Variants in CDC14B observed in about 807,000 individuals in gnomAD.
The protein encoded by CDC14B is cell division cycle 14B.
Under a neutral mutation model 64.2 loss-of-function variants are expected in CDC14B, and 22 were observed. That is an observed-to-expected ratio of 0.34 (90% CI 0.24 to 0.49). The LOEUF (loss-of-function observed/expected upper bound fraction) is 0.49. Ranked by LOEUF, CDC14B falls within the 20% of genes least tolerant of loss-of-function variation. The pLI is 0.99. For synonymous variants in CDC14B, 191 were observed against 215.8 expected (o/e 0.89, Z 1.01); for missense variants, 498 against 629.9 (o/e 0.79, Z 2.24).
intron 12 of CDC14B, among the ~76,000 whole-genome samples, chr9:96,518,618 A>T (rs1297106340): frequency 6.6e-6 from 1 of 152,144 alleles, no homozygotes; most frequent in East Asian, 1.9e-4. Flanking sequence ...AGTTATACCC[A>T]CACCATCTTA....
In CDC14B at chr9:96,562,743, A is replaced by T. The variant is rs1478401972; in HGVS notation, c.370T>A (p.Ser124Thr). Residue 124 changes from serine (S) to threonine (T), a missense_variant, in exon 4 of 14, where the codon TCT becomes ACT. Ser to Thr is a moderately conservative substitution (Grantham distance 58). Transcript: ENST00000375241. ...GCATTTGCTTGTTTTCTCTGATCAG[A>T]GCCAGTAAAATGAACAATTTTCTTC... ...LRKKIVHFTG[S>T]DQRKQANAAF... 1 of 1,611,968 alleles carries T rather than the reference A, an allele frequency of 6.2e-7. No individual in the cohort carries two copies. Among genetic ancestry groups the T allele is most frequent in the African/African-American group, 1.3e-5 (1 of 74,870 alleles).
chr9:96,512,710 C>CAAACA (rs1835081543), intron 12 of CDC14B, among the ~76,000 whole-genome samples: 1 of 152,120 alleles, frequency 6.6e-6, no homozygotes, highest in Non-Finnish European at 1.5e-5. Context: ...TGCATAAAAC[C>CAAACA]AAACAAAACA....
At chr9:96,491,477 CTTAT>C (rs1434270048) in exon 14 of CDC14B, 7 of 152,164 alleles carry the variant, frequency 4.6e-5, no homozygotes, top group Admixed American at 3.3e-4. Context: ...CTTTTGGTCT[CTTAT>C]TTATTATCTG....
intron 7 of CDC14B, among the ~76,000 whole-genome samples, chr9:96,537,377 A>G (rs924304204): frequency 1.3e-5 from 2 of 152,336 alleles, no homozygotes; most frequent in Non-Finnish European, 1.5e-5. Context: ...GGCTGACCCT[A>G]TGCCCCAGGC....
chr9:96,523,013 T>C (rs1319994438), intron 11 of CDC14B, among the ~76,000 whole-genome samples: 5 of 152,206 alleles, frequency 3.3e-5, no homozygotes, highest in African/African-American at 1.2e-4. Flanking sequence ...CAGGGGTAGA[T>C]CTGGCTGAAG....
intron 12 of CDC14B, among the ~76,000 whole-genome samples, chr9:96,519,002 G>C (rs543008965): frequency 1.3e-5 from 2 of 152,058 alleles, no homozygotes; most frequent in Non-Finnish European, 2.9e-5. Context: ...CGGGCGTGGT[G>C]GTGGGCGCCT....
downstream of CDC14B, among the ~76,000 whole-genome samples, chr9:96,496,825 G>T (rs892901321): frequency 2.0e-5 from 3 of 152,200 alleles, no homozygotes; most frequent in Admixed American, 1.3e-4. Context: ...CACCGAGGCG[G>T]CTTCTCTGTC....
intron 4 of CDC14B, among the ~76,000 whole-genome samples, chr9:96,555,494 G>C (rs1842392275): frequency 6.6e-6 from 1 of 152,198 alleles, no homozygotes; most frequent in African/African-American, 2.4e-5. Flanking sequence ...CTAACTCATA[G>C]ACATGGTCTA....
chr9:96,501,821 T>G lies in CDC14B; in HGVS notation c.*1932A>C, dbSNP rs1833583402. 6.6e-6 allele frequency: 1 copy of G among 152,194 alleles called. No individual in the cohort carries two copies. The highest frequency in any genetic ancestry group is 1.5e-5 in the Non-Finnish European group (1 of 68,046). 9.4% of individuals were successfully genotyped at this position (152,194 alleles called of 1,614,324 possible). ...GGCTCATTCACCGTGAGGGAGACAGTACTCACAAGAGCTGTGGCGCCTACG... is the reference window on the plus strand; with the variant it reads ...GGCTCATTCACCGTGAGGGAGACAGGACTCACAAGAGCTGTGGCGCCTACG... On this transcript the variant is annotated 3_prime_UTR_variant, in exon 14 of 14. Transcript: ENST00000375241.
intron 1 of CDC14B, among the ~76,000 whole-genome samples, chr9:96,594,654 T>C (rs1000854036): frequency 5.5e-5 from 8 of 144,954 alleles, no homozygotes; most frequent in Non-Finnish European, 1.2e-4. Flanking sequence ...GAGGCAGAGG[T>C]TGCAGTGAGC....
chr9:96,611,439 T>C lies in CDC14B; in HGVS notation c.160+7780A>G, dbSNP rs183503403. Among the ~76,000 whole-genome samples the C allele has an allele frequency of 2.0e-5, 3 of 152,332 alleles. No individual in the cohort carries two copies. In the East Asian group the frequency reaches 5.8e-4, roughly 29 times the overall value. Reference sequence around the variant, plus strand: ...TTACCTCATTCATAAAGATGCCTGATCTAGATGAGGCGTGGCTTTGAGATG... The same window carrying C: ...TTACCTCATTCATAAAGATGCCTGACCTAGATGAGGCGTGGCTTTGAGATG... On this transcript the variant is annotated intron_variant, in intron 1 of 13. Coordinates refer to ENST00000375241, the MANE Select transcript of CDC14B (RefSeq NM_033331.4).
At chr9:96,519,160 TA>T (rs900682609) in intron 12 of CDC14B, among the ~76,000 whole-genome samples, 1 of 152,002 alleles carries the variant, frequency 6.6e-6, no homozygotes. Flanking sequence ...AAAATAAAAA[TA>T]AAAAAAGAAT....
chr9:96,561,697 C>T (rs1843228083), intron 4 of CDC14B, among the ~76,000 whole-genome samples: 1 of 151,652 alleles, frequency 6.6e-6, no homozygotes. Context: ...CCATGTTAAC[C>T]AGGATGGTCT....
intron 6 of CDC14B, among the ~76,000 whole-genome samples, chr9:96,540,055 C>T (rs566336601): frequency 4.6e-4 from 70 of 152,328 alleles, no homozygotes; most frequent in Admixed American, 7.2e-4. Context: ...TATTTAAACA[C>T]TAATCCCAAG....
chr9:96,595,634 G>C (rs1045980457), intron 1 of CDC14B, among the ~76,000 whole-genome samples: 1 of 152,128 alleles, frequency 6.6e-6, no homozygotes, highest in African/African-American at 2.4e-5. Flanking sequence ...GCCATAAAAT[G>C]GAATACGTAC....
chr9:96,567,129 G>C, intron 1 of CDC14B: 1 of 539,796 alleles, frequency 1.9e-6, no homozygotes, highest in Non-Finnish European at 3.1e-6. Flanking sequence ...GGGGCGGCCT[G>C]TGCCAACCAG....
At chr9:96,617,269 G>C (rs1335329741) in intron 1 of CDC14B, among the ~76,000 whole-genome samples, 1 of 151,660 alleles carries the variant, frequency 6.6e-6, no homozygotes, top group Non-Finnish European at 1.5e-5. Flanking sequence ...TTTTTCTGAA[G>C]TTGATTAATT....
intron 4 of CDC14B, among the ~76,000 whole-genome samples, chr9:96,557,659 T>C (rs1842662998): frequency 6.6e-6 from 1 of 152,230 alleles, no homozygotes; most frequent in Non-Finnish European, 1.5e-5. Flanking sequence ...TGAGTTAATA[T>C]ATTCTTAAAT....
intron 2 of CDC14B, among the ~76,000 whole-genome samples, chr9:96,565,155 G>A (rs1260490656): frequency 4.0e-5 from 6 of 151,170 alleles, no homozygotes; most frequent in Admixed American, 1.3e-4. Context: ...ATCTTACTTA[G>A]TACACATTTA....
Sources: gnomAD v4.1 joint callset for allele counts (sites outside exome capture counted in the v4.1 genomes callset) on GRCh38, gnomAD v4.1.1 for gene constraint, MANE v1.5 for transcripts, NCBI Gene and HGNC (gene_info 2026-07-23, HGNC 2026-07-21) for gene names.